Variants in SHISAL1 observed in about 807,000 individuals in gnomAD.
SHISAL1 encodes the protein shisa like 1.
SHISAL1 carries 9 observed loss-of-function variants against 22.6 expected under a neutral mutation model. That is an observed-to-expected ratio of 0.40 (90% CI 0.24 to 0.70). The LOEUF (loss-of-function observed/expected upper bound fraction) is 0.70. Ranked by LOEUF, SHISAL1 falls within the 30% of genes least tolerant of loss-of-function variation. The pLI is 0.39. For missense variants in SHISAL1, 246 were observed against 270.6 expected (o/e 0.91, Z 0.64); for synonymous variants, 119 against 115.4 (o/e 1.03, Z -0.20).
At chr22:44,279,000 G>A (rs1314663983) in intron 4 of SHISAL1, among the ~76,000 whole-genome samples, 1 of 152,088 alleles carries the variant, frequency 6.6e-6, no homozygotes, top group East Asian at 1.9e-4. Context: ...TCACTGTCCA[G>A]GGCAGGCACT....
chr22:44,313,908 C>T (rs2055539860), upstream of SHISAL1, among the ~76,000 whole-genome samples: 1 of 152,162 alleles, frequency 6.6e-6, no homozygotes, highest in Non-Finnish European at 1.5e-5. Flanking sequence ...GGTCTGGGTG[C>T]CCCTCATCTA....
At chr22:44,328,307 C>T in the SHISAL1 span, among the ~76,000 whole-genome samples, 1 of 152,134 alleles carries the variant, frequency 6.6e-6, no homozygotes, top group Non-Finnish European at 1.5e-5. Context: ...TTATTAGCCT[C>T]TTTGGGCCAG....
chr22:44,322,183 G>T, the SHISAL1 span, among the ~76,000 whole-genome samples: 1 of 152,356 alleles, frequency 6.6e-6, no homozygotes, highest in South Asian at 2.1e-4. Flanking sequence ...AGTGAGAATG[G>T]CAACCTGTCT....
the SHISAL1 span, among the ~76,000 whole-genome samples, chr22:44,321,339 T>C: frequency 2.0e-5 from 3 of 152,176 alleles, no homozygotes; most frequent in Admixed American, 2.0e-4. Context: ...CCCAGACCCA[T>C]TTCCCAGGCT....
chr22:44,266,620 G>C (rs1351808025), intron 4 of SHISAL1, among the ~76,000 whole-genome samples: 1 of 151,618 alleles, frequency 6.6e-6, no homozygotes, highest in African/African-American at 2.4e-5. Context: ...GGGGGGCCAG[G>C]GCACATTGTA....
chr22:44,284,451 C>T (rs1226533045), intron 4 of SHISAL1, among the ~76,000 whole-genome samples: 1 of 152,100 alleles, frequency 6.6e-6, no homozygotes, highest in Non-Finnish European at 1.5e-5. Context: ...GCACATGAAC[C>T]CAGGGGTCAC....
At chr22:44,319,742 C>A in the SHISAL1 span, among the ~76,000 whole-genome samples, 1 of 152,218 alleles carries the variant, frequency 6.6e-6, no homozygotes, top group Non-Finnish European at 1.5e-5. Flanking sequence ...TCCGGTCTGG[C>A]CTCACACTAA....
chr22:44,263,075 C>CTTTA (rs1258542355), intron 4 of SHISAL1, among the ~76,000 whole-genome samples: 1 of 68,386 alleles, frequency 1.5e-5, no homozygotes, highest in Non-Finnish European at 3.5e-5. Context: ...TTTTTTCTTT[C>CTTTA]TTTCTTTTTT....
At chr22:44,262,043 C>T (rs1460320904) in intron 4 of SHISAL1, among the ~76,000 whole-genome samples, 1 of 152,186 alleles carries the variant, frequency 6.6e-6, no homozygotes, top group Non-Finnish European at 1.5e-5. Flanking sequence ...GGGCTCGAAG[C>T]GGGTAGGGGA....
At chr22:44,278,450 C>A (rs912892816) in intron 4 of SHISAL1, among the ~76,000 whole-genome samples, 2 of 152,194 alleles carry the variant, frequency 1.3e-5, no homozygotes, top group African/African-American at 4.8e-5. Flanking sequence ...AGCAGGGGCA[C>A]CTTTATGGTG....
chr22:44,262,389 C>A (rs1275972939), intron 4 of SHISAL1, among the ~76,000 whole-genome samples: 1 of 152,024 alleles, frequency 6.6e-6, no homozygotes, highest in Admixed American at 6.6e-5. Context: ...TGTGGGGAGC[C>A]GACATGGAAG....
intron 1 of SHISAL1, among the ~76,000 whole-genome samples, chr22:44,301,967 G>T (rs1361125349): frequency 6.6e-6 from 1 of 152,108 alleles, no homozygotes; most frequent in Non-Finnish European, 1.5e-5. Flanking sequence ...TTGGGAAGAT[G>T]AAAAAGTTCT....
intron 1 of SHISAL1, among the ~76,000 whole-genome samples, chr22:44,306,731 G>GCA (rs1295678470): frequency 1.5e-5 from 2 of 134,752 alleles, no homozygotes; most frequent in Admixed American, 7.4e-5. Context: ...GATGGCGTGT[G>GCA]GAGGGGACCT....
chr22:44,292,752 C>T (rs575026432), intron 3 of SHISAL1, among the ~76,000 whole-genome samples: 4 of 152,238 alleles, frequency 2.6e-5, no homozygotes, highest in Non-Finnish European at 4.4e-5. Context: ...CCAGGCCCCA[C>T]GTCAGCTCCC....
the SHISAL1 span, among the ~76,000 whole-genome samples, chr22:44,322,548 G>A: frequency 1.3e-5 from 2 of 152,186 alleles, no homozygotes; most frequent in Admixed American, 6.5e-5. Context: ...GACTTTACAG[G>A]TTGCAAACCA....
At chr22:44,296,439 T>C (rs1427529180) in intron 3 of SHISAL1, among the ~76,000 whole-genome samples, 2 of 152,166 alleles carry the variant, frequency 1.3e-5, no homozygotes, top group African/African-American at 4.8e-5. Context: ...GGATTACAGG[T>C]GTGAGCTACC....
chr22:44,274,680 T>C (rs1601787180), intron 4 of SHISAL1, among the ~76,000 whole-genome samples: 1 of 152,096 alleles, frequency 6.6e-6, no homozygotes, highest in East Asian at 1.9e-4. Context: ...CATCGCTGAT[T>C]CAATAGGAGA....
At chr22:44,291,178 G>A (rs1489037231) in intron 3 of SHISAL1, among the ~76,000 whole-genome samples, 2 of 152,154 alleles carry the variant, frequency 1.3e-5, no homozygotes, top group Non-Finnish European at 2.9e-5. Context: ...TCTACAGCAG[G>A]GCCATCCTAC....
chr22:44,262,497 A>G (rs1208738633), intron 4 of SHISAL1, among the ~76,000 whole-genome samples: 3 of 152,202 alleles, frequency 2.0e-5, no homozygotes, highest in African/African-American at 7.2e-5. Context: ...ATGCGTGTGG[A>G]GCCTCAGTTC....
Sources: gnomAD v4.1 joint callset for allele counts (sites outside exome capture counted in the v4.1 genomes callset) on GRCh38, gnomAD v4.1.1 for gene constraint, MANE v1.5 for transcripts, NCBI Gene and HGNC (gene_info 2026-07-23, HGNC 2026-07-21) for gene names.